The following L3MBTL4 variants were observed in gnomAD, a reference collection of about 807,000 sequenced individuals.
The protein encoded by L3MBTL4 is lethal(3)malignant brain tumor-like protein 4.
Under a neutral mutation model 84.5 loss-of-function variants are expected in L3MBTL4, and 70 were observed. The observed-to-expected ratio is 0.83, with a 90% confidence interval of 0.68 to 1.01. L3MBTL4 has a LOEUF of 1.01. Ranked by LOEUF, L3MBTL4 falls within the 50% of genes least tolerant of loss-of-function variation. The pLI is 0.00. For missense variants in L3MBTL4, 715 were observed against 754.8 expected (o/e 0.95, Z 0.62); for synonymous variants, 274 against 259.8 (o/e 1.05, Z -0.52).
At chr18:5,979,833 T>C (rs8090448) in intron 16 of L3MBTL4, among the ~76,000 whole-genome samples, 22,989 of 152,086 alleles carry the variant, frequency 0.15, 1,945 homozygotes, top group South Asian at 0.21. Flanking sequence ...TCCCTGGAGG[T>C]ATTGTCAGAT....
chr18:6,100,761 A>T (rs1285612860), intron 14 of L3MBTL4, among the ~76,000 whole-genome samples: 2 of 152,214 alleles, frequency 1.3e-5, no homozygotes, highest in Non-Finnish European at 2.9e-5. Flanking sequence ...CATTGGCACC[A>T]GGTGGGGAGT....
At chr18:6,301,857 A>G in intron 4 of L3MBTL4, 46 bp downstream of exon 4, 1 of 1,404,072 alleles carries the variant, frequency 7.1e-7, no homozygotes, top group South Asian at 1.2e-5. Flanking sequence ...ATTCACTTAA[A>G]ATTTGTTCAC....
intron 16 of L3MBTL4, among the ~76,000 whole-genome samples, chr18:6,028,468 G>A (rs958385812): frequency 4.3e-4 from 66 of 152,168 alleles, no homozygotes; most frequent in African/African-American, 1.1e-3. Context: ...GTCAGGTAGC[G>A]TGATGCCTCC....
intron 13 of L3MBTL4, among the ~76,000 whole-genome samples, chr18:6,153,264 T>C (rs915111649): frequency 1.3e-4 from 20 of 152,194 alleles, no homozygotes; most frequent in Non-Finnish European, 5.9e-5. Context: ...AAAAATGCCA[T>C]TGGAATTTTG....
intron 14 of L3MBTL4, among the ~76,000 whole-genome samples, chr18:6,128,506 C>T (rs535959037): frequency 7.8e-4 from 119 of 151,950 alleles, no homozygotes; most frequent in Admixed American, 1.2e-3. Context: ...CATGATAGAG[C>T]GTGGGAAGAG....
At chr18:6,381,561 T>G (rs2054596102) in intron 1 of L3MBTL4, among the ~76,000 whole-genome samples, 1 of 152,248 alleles carries the variant, frequency 6.6e-6, no homozygotes, top group South Asian at 2.1e-4. Context: ...TGCTTGTCTG[T>G]AAAGGATTTT....
At chr18:6,411,098 T>TA (rs929196592) in intron 1 of L3MBTL4, among the ~76,000 whole-genome samples, 1 of 152,226 alleles carries the variant, frequency 6.6e-6, no homozygotes, top group African/African-American at 2.4e-5. Flanking sequence ...CACTATCCTT[T>TA]AAAAAATTAA....
chr18:6,100,540 T>C (rs913337514), intron 14 of L3MBTL4, among the ~76,000 whole-genome samples: 2 of 152,218 alleles, frequency 1.3e-5, no homozygotes, highest in African/African-American at 4.8e-5. Context: ...CTTGGTATAA[T>C]GAGTGATTTG....
intron 1 of L3MBTL4, among the ~76,000 whole-genome samples, chr18:6,317,785 C>T (rs576039696): frequency 1.3e-5 from 2 of 152,132 alleles, no homozygotes; most frequent in South Asian, 2.1e-4. Flanking sequence ...AAGGACATCA[C>T]CAAGGTATAT....
rs2055829229 is a variant in L3MBTL4, at chr18:6,032,028, AGTGCAGTG to A, written c.1444+48845_1444+48852del. 11 of 215,464 alleles carry A rather than the reference AGTGCAGTG, an allele frequency of 5.1e-5. No homozygotes were observed. In the South Asian group the frequency reaches 1.7e-3, roughly 34 times the overall value. 13.3% of individuals were successfully genotyped at this position (215,464 alleles called of 1,614,324 possible). On this transcript the variant is annotated intron_variant, in intron 16 of 18. Transcript: ENST00000317931. ...AGTCTTGCTCTGTTGCCCAGGCTGG[AGTGCAGTG>A]GTGCAATCTCAGGTCAGTGTAATCT...
intron 1 of L3MBTL4, among the ~76,000 whole-genome samples, chr18:6,321,198 G>A (rs1030172962): frequency 6.6e-5 from 10 of 151,956 alleles, no homozygotes; most frequent in Non-Finnish European, 1.0e-4. Flanking sequence ...GACCCCAAAA[G>A]CAAATGTAAC....
At chr18:6,355,485 T>G (rs2053400762) in intron 1 of L3MBTL4, among the ~76,000 whole-genome samples, 1 of 152,104 alleles carries the variant, frequency 6.6e-6, no homozygotes, top group African/African-American at 2.4e-5. Context: ...ATAACAGTAG[T>G]AATCTTCATC....
intron 4 of L3MBTL4, among the ~76,000 whole-genome samples, chr18:6,276,435 C>A (rs1014362322): frequency 6.6e-6 from 1 of 152,114 alleles, no homozygotes; most frequent in Non-Finnish European, 1.5e-5. Context: ...ATGGTTCTTG[C>A]CCCTAAAGAG....
At chr18:6,414,935 C>T (rs1049905653), upstream of L3MBTL4, 3 of 149,552 alleles carry the variant, frequency 2.0e-5, no homozygotes, top group African/African-American at 7.3e-5. The surrounding 1 kb of genome is among the most constrained non-coding windows in gnomAD (Gnocchi z 5.4). Context: ...CGAGGGTGCA[C>T]GCGCGGGGTG....
At chr18:6,159,909 C>T (rs902449993) in intron 13 of L3MBTL4, among the ~76,000 whole-genome samples, 2 of 152,176 alleles carry the variant, frequency 1.3e-5, no homozygotes, top group African/African-American at 2.4e-5. Flanking sequence ...GTTTTTATTC[C>T]TACTTTAAAA....
At chr18:6,183,493 C>T (rs2044577657) in intron 12 of L3MBTL4, among the ~76,000 whole-genome samples, 1 of 152,206 alleles carries the variant, frequency 6.6e-6, no homozygotes, top group Non-Finnish European at 1.5e-5. Flanking sequence ...AAGGCCTTTT[C>T]AGGCGACATT....
chr18:6,387,647 G>T (rs976549585), intron 1 of L3MBTL4, among the ~76,000 whole-genome samples: 1 of 152,162 alleles, frequency 6.6e-6, no homozygotes, highest in African/African-American at 2.4e-5. Flanking sequence ...CATCTAGTGG[G>T]AAAAATACCG....
chr18:6,133,521 C>T (rs1197870855), intron 14 of L3MBTL4, among the ~76,000 whole-genome samples: 2 of 152,162 alleles, frequency 1.3e-5, no homozygotes, highest in African/African-American at 4.8e-5. Context: ...TTCCCTCCCT[C>T]ATCTTTCCTT....
intron 1 of L3MBTL4, among the ~76,000 whole-genome samples, chr18:6,320,699 A>T (rs1056548622): frequency 2.0e-5 from 3 of 152,176 alleles, no homozygotes; most frequent in African/African-American, 2.4e-5. Context: ...TGTAATTCTT[A>T]TCTAAATACC....
Sources: gnomAD v4.1 joint callset for allele counts (sites outside exome capture counted in the v4.1 genomes callset) on GRCh38, gnomAD v4.1.1 for gene constraint, Gnocchi (gnomAD v3.1) non-coding constraint, MANE v1.5 for transcripts, NCBI Gene and HGNC (gene_info 2026-07-23, HGNC 2026-07-21) for gene names.